The following SMCO4 variants were observed in gnomAD, a reference collection of about 807,000 sequenced individuals.
SMCO4 encodes single-pass membrane and coiled-coil domain-containing protein 4.
In SMCO4, 4 loss-of-function variants were observed where a neutral mutation model predicts 3.6. The observed-to-expected ratio is 1.11, with a 90% CI of 0.54 to 2.53. SMCO4 has a LOEUF of 2.53. SMCO4 is among the 30% of genes most tolerant of loss of function. The pLI is 0.02. For synonymous variants in SMCO4, 36 were observed against 35.3 expected (o/e 1.02, Z -0.07); for missense variants, 70 against 80.8 (o/e 0.87, Z 0.51).
At chr11:93,524,762 G>A (rs1273288664) in intron 1 of SMCO4, among the ~76,000 whole-genome samples, 1 of 152,202 alleles carries the variant, frequency 6.6e-6, no homozygotes, top group Non-Finnish European at 1.5e-5. Flanking sequence ...AGTGCACACA[G>A]AGGAGGTGGT....
intron 2 of SMCO4, among the ~76,000 whole-genome samples, chr11:93,487,289 C>T (rs567180326): frequency 6.6e-6 from 1 of 152,318 alleles, no homozygotes; most frequent in South Asian, 2.1e-4. Flanking sequence ...CTCCGGACAC[C>T]CGCAAAGCAC....
At chr11:93,516,425 C>A (rs1041444125) in intron 1 of SMCO4, among the ~76,000 whole-genome samples, 4 of 152,196 alleles carry the variant, frequency 2.6e-5, no homozygotes, top group African/African-American at 9.6e-5. Flanking sequence ...GAAGTACCAA[C>A]AGTAAAGAAC....
intron 1 of SMCO4, among the ~76,000 whole-genome samples, chr11:93,513,190 A>T (rs999311532): frequency 6.6e-5 from 10 of 152,232 alleles, no homozygotes; most frequent in African/African-American, 2.2e-4. Flanking sequence ...TCTGAGTTTC[A>T]GTTCCCTCTT....
Position 93,479,200 on chromosome 11 carries a change from G to C in SMCO4, c.-11C>G. ...TTTGAGCTGCCGCATCTTTCCTAGA[G>C]GATGCTAGGAGGGTGTGTCCAGAGG... On this transcript the variant is annotated 5_prime_UTR_variant, in exon 3 of 3. Coordinates refer to ENST00000298966, the MANE Select transcript of SMCO4 (RefSeq NM_020179.3). 6.2e-7 allele frequency: 1 copy of C among 1,612,568 alleles called. No individual in the cohort carries two copies. The highest frequency in any genetic ancestry group is 8.5e-7 in the Non-Finnish European group (1 of 1,179,194).
the SMCO4 span, among the ~76,000 whole-genome samples, chr11:93,551,465 C>G: frequency 6.6e-6 from 1 of 152,244 alleles, no homozygotes; most frequent in East Asian, 1.9e-4. Context: ...GGCCCTGTCT[C>G]CCCAGAGGTG....
At chr11:93,536,158 A>G (rs1949222665) in intron 1 of SMCO4, among the ~76,000 whole-genome samples, 1 of 152,196 alleles carries the variant, frequency 6.6e-6, no homozygotes, top group Admixed American at 6.5e-5. Flanking sequence ...AACCTCACCA[A>G]TAATAAATGA....
chr11:93,512,583 C>T (rs1217065579), intron 1 of SMCO4, among the ~76,000 whole-genome samples: 2 of 152,168 alleles, frequency 1.3e-5, no homozygotes, highest in Non-Finnish European at 2.9e-5. Context: ...TACACAAATG[C>T]TTACCATTGT....
At chr11:93,522,615 C>T (rs1189349683) in intron 1 of SMCO4, among the ~76,000 whole-genome samples, 1 of 152,260 alleles carries the variant, frequency 6.6e-6, no homozygotes, top group Non-Finnish European at 1.5e-5. Flanking sequence ...GGCCAAGTCT[C>T]CGCCATTGTA....
At chr11:93,502,794 G>T (rs1237072068) in intron 1 of SMCO4, among the ~76,000 whole-genome samples, 1 of 152,120 alleles carries the variant, frequency 6.6e-6, no homozygotes, top group Non-Finnish European at 1.5e-5. Flanking sequence ...ACAAATTATG[G>T]TAGATTCATT....
In SMCO4 at chr11:93,488,582, G is replaced by C. The variant is rs565708701; in HGVS notation, c.-80-9313C>G. On this transcript the variant is annotated intron_variant, in intron 2 of 2. Coordinates refer to ENST00000298966, the MANE Select transcript of SMCO4 (RefSeq NM_020179.3). The stretch of plus-strand genomic sequence containing the variant: ...AAAGAAAACAGACTGAAGGTCTCAG[G>C]CCTGCGCAACTGGAAGAATGGTGTT... 1.9e-4 allele frequency among the ~76,000 whole-genome samples: 29 copies of C among 152,264 alleles called. No individual in the cohort carries two copies. The South Asian group carries it at 5.8e-3, about 31-fold the overall frequency.
chr11:93,521,043 A>G (rs1455344699), intron 1 of SMCO4, among the ~76,000 whole-genome samples: 1 of 152,258 alleles, frequency 6.6e-6, no homozygotes, highest in African/African-American at 2.4e-5. Flanking sequence ...TGATGAAAAT[A>G]CAAAGCACCT....
intron 1 of SMCO4, among the ~76,000 whole-genome samples, chr11:93,531,268 T>G (rs528902165): frequency 6.6e-6 from 1 of 152,352 alleles, no homozygotes; most frequent in Non-Finnish European, 1.5e-5. Context: ...ATTGGTCTTT[T>G]CTGCCTTTGG....
intron 1 of SMCO4, among the ~76,000 whole-genome samples, chr11:93,509,206 G>A (rs1037638258): frequency 5.9e-5 from 9 of 151,700 alleles, no homozygotes; most frequent in African/African-American, 1.9e-4. Context: ...CAGGAGGATC[G>A]CTTGCACCCA....
the SMCO4 span, among the ~76,000 whole-genome samples, chr11:93,552,152 CTTTTTTTTTTT>C: frequency 3.7e-5 from 4 of 109,026 alleles, no homozygotes; most frequent in African/African-American, 1.4e-4. Flanking sequence ...CTCATCACTA[CTTTTTTTTTTT>C]TTTTTTTTTT....
chr11:93,525,589 G>C (rs1393626948), intron 1 of SMCO4, among the ~76,000 whole-genome samples: 1 of 152,136 alleles, frequency 6.6e-6, no homozygotes, highest in African/African-American at 2.4e-5. Flanking sequence ...CAGGAATAGA[G>C]AACTGCAGTG....
intron 1 of SMCO4, among the ~76,000 whole-genome samples, chr11:93,505,127 A>G (rs1214108953): frequency 3.3e-5 from 5 of 152,370 alleles, no homozygotes; most frequent in Non-Finnish European, 1.5e-5. Flanking sequence ...GCAAATGGAC[A>G]TCTTTACTGA....
chr11:93,485,529 A>G (rs1948638588), intron 2 of SMCO4, among the ~76,000 whole-genome samples: 1 of 152,174 alleles, frequency 6.6e-6, no homozygotes, highest in African/African-American at 2.4e-5. Flanking sequence ...CCTCAGTGCT[A>G]TCTCAGGACT....
At chr11:93,507,494 A>G (rs1948918802) in intron 1 of SMCO4, among the ~76,000 whole-genome samples, 1 of 152,246 alleles carries the variant, frequency 6.6e-6, no homozygotes, top group South Asian at 2.1e-4. Flanking sequence ...TGGCAATGAC[A>G]TTAACAAATG....
intron 1 of SMCO4, among the ~76,000 whole-genome samples, chr11:93,519,971 G>A (rs1043465691): frequency 5.9e-5 from 9 of 152,140 alleles, no homozygotes; most frequent in Non-Finnish European, 1.2e-4. Flanking sequence ...GAAAAAGAAA[G>A]CTACACTACG....
Sources: gnomAD v4.1 joint callset for allele counts (sites outside exome capture counted in the v4.1 genomes callset) on GRCh38, gnomAD v4.1.1 for gene constraint, MANE v1.5 for transcripts, NCBI Gene and HGNC (gene_info 2026-07-23, HGNC 2026-07-21) for gene names.